DOCK9: variants seen among roughly 807,000 people sequenced by gnomAD.
DOCK9 encodes the protein dedicator of cytokinesis protein 9.
DOCK9 carries 89 observed loss-of-function variants against 263.3 expected under a neutral mutation model. The ratio of observed to expected loss-of-function variants is 0.34; its 90% confidence interval spans 0.28 to 0.40. DOCK9 has a LOEUF of 0.40. DOCK9 is among the 10% of genes least tolerant of loss of function. The pLI, the probability that DOCK9 is intolerant of heterozygous loss-of-function variation, is 1.00. For synonymous variants in DOCK9, 976 were observed against 973.1 expected (o/e 1.00, Z -0.06); for missense variants, 2,140 against 2,603.4 (o/e 0.82, Z 3.87).
At chr13:98,866,226 C>T (rs1271131022) in intron 30 of DOCK9, among the ~76,000 whole-genome samples, 3 of 152,122 alleles carry the variant, frequency 2.0e-5, no homozygotes, top group South Asian at 2.1e-4. Context: ...GTAGAATAGC[C>T]GGGGATTGTC....
intron 11 of DOCK9, 151 bp downstream of exon 11, chr13:98,902,821 T>C: frequency 1.2e-6 from 1 of 825,304 alleles, no homozygotes; most frequent in Non-Finnish European, 1.8e-6. Context: ...CATCCTGTCC[T>C]TGCAGGCTAA....
At chr13:98,869,271 C>A (rs1486511983) in intron 27 of DOCK9, among the ~76,000 whole-genome samples, 1 of 152,214 alleles carries the variant, frequency 6.6e-6, no homozygotes. Flanking sequence ...ATATCTTCTA[C>A]ATGTCAGACA....
At chr13:99,029,588 T>A (rs1020980984) in intron 1 of DOCK9, among the ~76,000 whole-genome samples, 3 of 152,304 alleles carry the variant, frequency 2.0e-5, no homozygotes, top group Middle Eastern at 3.4e-3. Context: ...ATGTTCAACA[T>A]CATTAGTCTT....
intron 23 of DOCK9, among the ~76,000 whole-genome samples, chr13:98,882,377 C>A (rs764699015): frequency 1.3e-5 from 2 of 152,076 alleles, no homozygotes; most frequent in Non-Finnish European, 2.9e-5. Context: ...AGGGAGGGGC[C>A]GCAAGCAATC....
At chr13:98,938,435 G>A (rs2140462086) in intron 2 of DOCK9, among the ~76,000 whole-genome samples, 1 of 152,210 alleles carries the variant, frequency 6.6e-6, no homozygotes, top group South Asian at 2.1e-4. Context: ...CTGTGAATAT[G>A]GAATTCTAAG....
intron 35 of DOCK9, among the ~76,000 whole-genome samples, chr13:98,851,733 C>T (rs1474672293): frequency 6.6e-6 from 1 of 152,180 alleles, no homozygotes; most frequent in Non-Finnish European, 1.5e-5. Flanking sequence ...TCTCTGGAGG[C>T]AATTTCTCCC....
At chr13:99,050,662 C>G (rs2040649291) in intron 1 of DOCK9, among the ~76,000 whole-genome samples, 1 of 152,094 alleles carries the variant, frequency 6.6e-6, no homozygotes, top group Admixed American at 6.5e-5. Context: ...TCCACTCCAG[C>G]CCAGGCGACA....
intron 15 of DOCK9, among the ~76,000 whole-genome samples, chr13:98,891,516 C>T (rs1264261745): frequency 1.3e-5 from 2 of 152,138 alleles, no homozygotes; most frequent in Non-Finnish European, 2.9e-5. Context: ...CAGGCATCTT[C>T]ATCACCATTT....
Position 98,879,918 on chromosome 13 carries a change from T to C in DOCK9, c.2923A>G (p.Ile975Val). 1.2e-6 allele frequency: 2 copies of C among 1,608,800 alleles called. No individual in the cohort carries two copies. The highest frequency in any genetic ancestry group is 1.7e-6 in the Non-Finnish European group (2 of 1,178,762). ...VLIKSMAQHL[I>V]ENSKVKLLRN... ...CATACCTTAACTTTGGAGTTCTCTA[T>C]CAAATGCTGAGCCATAGATTTGATC... Residue 975 changes from isoleucine to valine, a missense_variant, in exon 27 of 53, where the codon ATA (isoleucine) becomes GTA (valine). This residue lies in a region of DOCK9 where 1,521 missense variants were observed against 1,741.7 expected (regional missense o/e 0.87). Transcript: ENST00000682017.
chr13:98,888,069 C>T (rs2138942148), intron 18 of DOCK9, 89 bp downstream of exon 18: 2 of 823,194 alleles, frequency 2.4e-6, no homozygotes, highest in Non-Finnish European at 3.8e-6. Context: ...ATGTGCTAAA[C>T]TGTTGTAGTT....
intron 19 of DOCK9, 108 bp from the exon 20 acceptor site, chr13:98,885,939 C>T (rs1222681811): frequency 1.2e-5 from 13 of 1,043,834 alleles, no homozygotes; most frequent in Admixed American, 3.0e-5. Context: ...ACTTGTTCTC[C>T]GAGCGGATAT....
At chr13:98,981,848 G>A (rs1422507601), upstream of DOCK9, among the ~76,000 whole-genome samples, 1 of 152,158 alleles carries the variant, frequency 6.6e-6, no homozygotes, top group African/African-American at 2.4e-5. Context: ...GGTTGGTGTG[G>A]CCACTAGAGG....
intron 33 of DOCK9, chr13:98,860,053 T>G (rs561107995): frequency 7.0e-4 from 307 of 439,750 alleles, no homozygotes; most frequent in African/African-American, 5.9e-3. Flanking sequence ...TTGCTAACAC[T>G]ACAAATCAGT....
intron 39 of DOCK9, among the ~76,000 whole-genome samples, chr13:98,835,870 TG>T: frequency 6.6e-6 from 1 of 151,444 alleles, no homozygotes; most frequent in East Asian, 2.0e-4. Flanking sequence ...CTCCCGTAGC[TG>T]GGACTACAAG....
At chr13:98,899,956 A>C (rs1347945684) in intron 13 of DOCK9, among the ~76,000 whole-genome samples, 4 of 152,158 alleles carry the variant, frequency 2.6e-5, no homozygotes, top group African/African-American at 7.2e-5. Flanking sequence ...CAAAATGAAA[A>C]TTTACTCTAA....
At chr13:98,834,747 C>T (rs1324436672) in intron 39 of DOCK9, 2 of 152,194 alleles carry the variant, frequency 1.3e-5, no homozygotes, top group Non-Finnish European at 2.9e-5. Context: ...AGTGAGATAA[C>T]ATGTGTGAAC....
At chr13:98,846,798 G>A (rs1806057245) in intron 37 of DOCK9, 7 of 355,260 alleles carry the variant, frequency 2.0e-5, no homozygotes, top group South Asian at 1.5e-4. Flanking sequence ...ACAATAAGAA[G>A]GCACAGTGTT....
At chr13:98,924,684 A>G (rs1023843490) in intron 4 of DOCK9, among the ~76,000 whole-genome samples, 3 of 152,212 alleles carry the variant, frequency 2.0e-5, no homozygotes, top group Admixed American at 1.3e-4. Flanking sequence ...GAAATGGATT[A>G]GTACCCAAGA....
At chr13:98,814,339 TGAA>T (rs2091605767) in intron 45 of DOCK9, among the ~76,000 whole-genome samples, 1 of 151,420 alleles carries the variant, frequency 6.6e-6, no homozygotes. Flanking sequence ...GCAAATGACA[TGAA>T]GAAATCAGAA....
Sources: gnomAD v4.1 joint callset for allele counts (sites outside exome capture counted in the v4.1 genomes callset) on GRCh38, gnomAD v4.1.1 for gene constraint, gnomAD v4.1.1 regional missense constraint, MANE v1.5 for transcripts, NCBI Gene and HGNC (gene_info 2026-07-23, HGNC 2026-07-21) for gene names.